Variants in ANK3 observed in about 807,000 individuals in gnomAD.
ANK3 encodes the protein ankyrin 3, also known as ankyrin-3.
In ANK3, 57 loss-of-function variants were observed where a neutral mutation model predicts 370.9. That is an observed-to-expected ratio of 0.15 (90% confidence interval 0.12 to 0.19). The LOEUF (loss-of-function observed/expected upper bound fraction) is 0.19. Ranked by LOEUF, ANK3 falls within the 10% of genes least tolerant of loss-of-function variation. The probability of loss-of-function intolerance (pLI) is 1.00; values close to 1 mark genes in which losing one functional copy is unlikely to be tolerated. For synonymous variants in ANK3, 1,929 were observed against 1,946.3 expected, an observed-to-expected ratio of 0.99 and a Z score of 0.23; for missense variants, 4,439 against 5,302.1, an observed-to-expected ratio of 0.84 and a Z score of 5.06.
chr10:60,080,868 C>T (rs1347540154), intron 35 of ANK3, among the ~76,000 whole-genome samples: 2 of 152,172 alleles, frequency 1.3e-5, no homozygotes, highest in Non-Finnish European at 2.9e-5. Flanking sequence ...ACAGAGACTT[C>T]TGATGCTGAG....
intron 1 of ANK3, chr10:60,300,175 A>G (rs920537905): frequency 2.1e-5 from 9 of 435,180 alleles, no homozygotes; most frequent in Non-Finnish European, 3.6e-5. Flanking sequence ...TCCTACACAT[A>G]TTTAACTCAA....
chr10:60,095,294 C>G (rs557919991), intron 28 of ANK3, among the ~76,000 whole-genome samples: 3 of 152,222 alleles, frequency 2.0e-5, no homozygotes, highest in African/African-American at 7.2e-5. Flanking sequence ...GACTCAGACA[C>G]TTTTCACATC....
At chr10:60,285,404 C>A (rs2098229462) in intron 1 of ANK3, among the ~76,000 whole-genome samples, 1 of 152,166 alleles carries the variant, frequency 6.6e-6, no homozygotes, top group South Asian at 2.1e-4. Context: ...TCTCACTAAT[C>A]AATACTGTCT....
intron 23 of ANK3, among the ~76,000 whole-genome samples, chr10:60,147,699 C>T (rs1272286866): frequency 6.6e-6 from 1 of 152,064 alleles, no homozygotes; most frequent in African/African-American, 2.4e-5. Flanking sequence ...AGGGGCACCT[C>T]CCCTTCCTCT....
At chr10:60,051,435 T>TA (rs2077970204) in intron 42 of ANK3, 3 of 907,340 alleles carry the variant, frequency 3.3e-6, no homozygotes, top group Admixed American at 1.2e-4. Flanking sequence ...GAGTTTCTAA[T>TA]AGTAGAGCAA....
At chr10:60,416,040 C>T (rs1594984270) in intron 2 of ANK3, among the ~76,000 whole-genome samples, 1 of 147,880 alleles carries the variant, frequency 6.8e-6, no homozygotes, top group Admixed American at 6.9e-5. Context: ...GGATTAGTGT[C>T]CCTATTAAAA....
rs1057523190 is a variant in ANK3 at position 60,205,794 on chromosome 10, C to T, written c.1291G>A (p.Glu431Lys). Residue 431 changes from glutamate to lysine, a missense_variant and splice_region_variant, in exon 11 of 44, where the codon GAG (glutamate) becomes AAG (lysine). This residue lies in a region of ANK3 where 227 missense variants were observed against 377.6 expected (regional missense o/e 0.60). Transcript: ENST00000280772. The part of the protein sequence containing the change: ...KHGASIQAVT[E>K]SGLTPIHVAA... ...CCAGAAATCTTAACTCTTCTCACCTCGGTTACAGCTTGGATGGATGCACCG... is the reference window on the plus strand; with the variant it reads ...CCAGAAATCTTAACTCTTCTCACCTTGGTTACAGCTTGGATGGATGCACCG... The T allele has an allele frequency of 3.1e-6, 5 of 1,610,902 alleles. No homozygotes were observed. The highest frequency in any genetic ancestry group is 4.2e-6 in the Non-Finnish European group (5 of 1,177,208).
intron 23 of ANK3, among the ~76,000 whole-genome samples, chr10:60,157,557 A>C (rs2095371406): frequency 6.6e-6 from 1 of 151,964 alleles, no homozygotes; most frequent in South Asian, 2.1e-4. Flanking sequence ...AGCTAGCTCA[A>C]TGCACTTTAA....
At chr10:60,532,463 G>A (rs1171222064) in intron 2 of ANK3, among the ~76,000 whole-genome samples, 1 of 151,246 alleles carries the variant, frequency 6.6e-6, no homozygotes, top group Non-Finnish European at 1.5e-5. Context: ...AACCTTTAGA[G>A]TCCCAGGATC....
chr10:60,221,466 C>T (rs760659558), intron 8 of ANK3, among the ~76,000 whole-genome samples: 2 of 152,074 alleles, frequency 1.3e-5, no homozygotes, highest in African/African-American at 4.8e-5. Flanking sequence ...TATAACGAAC[C>T]TCTGGGTACC....
intron 1 of ANK3, among the ~76,000 whole-genome samples, chr10:60,693,664 C>G (rs1023975043): frequency 2.6e-5 from 4 of 152,178 alleles, no homozygotes; most frequent in African/African-American, 9.7e-5. Context: ...CAGCCAGGTA[C>G]TCCAACAGAC....
intron 28 of ANK3, among the ~76,000 whole-genome samples, chr10:60,096,411 C>T (rs965879026): frequency 5.9e-5 from 9 of 152,110 alleles, no homozygotes; most frequent in African/African-American, 1.9e-4. Context: ...CAGAAAAAAG[C>T]TCGACAAAAT....
At chr10:60,535,902 G>A (rs539573443) in intron 2 of ANK3, among the ~76,000 whole-genome samples, 9 of 150,196 alleles carry the variant, frequency 6.0e-5, no homozygotes, top group East Asian at 5.9e-4. Context: ...TCTAAATATC[G>A]GCAAAGCAAC....
chr10:60,566,575 T>C (rs1017293446), intron 2 of ANK3, among the ~76,000 whole-genome samples: 2 of 152,126 alleles, frequency 1.3e-5, no homozygotes, highest in African/African-American at 4.8e-5. Context: ...TGTGGATAGA[T>C]CAAACCAGCC....
chr10:60,089,032 A>G (rs991955901), intron 28 of ANK3, among the ~76,000 whole-genome samples: 3 of 152,188 alleles, frequency 2.0e-5, no homozygotes, highest in African/African-American at 7.2e-5. Context: ...GCCTCATAAG[A>G]AAGTGAATAA....
intron 1 of ANK3, among the ~76,000 whole-genome samples, chr10:60,293,576 C>A (rs1182955856): frequency 6.6e-6 from 1 of 151,724 alleles, no homozygotes; most frequent in Non-Finnish European, 1.5e-5. Context: ...AATTTGGGTT[C>A]CCTGGCTTTA....
chr10:60,190,651 A>G (rs1240572425), intron 16 of ANK3, among the ~76,000 whole-genome samples: 1 of 152,198 alleles, frequency 6.6e-6, no homozygotes, highest in Non-Finnish European at 1.5e-5. Flanking sequence ...CCCAGTCAAC[A>G]GTCTTTGGAG....
At chr10:60,480,392 T>G (rs2133099669) in intron 2 of ANK3, among the ~76,000 whole-genome samples, 1 of 152,180 alleles carries the variant, frequency 6.6e-6, no homozygotes, top group African/African-American at 2.4e-5. Context: ...AATTCACACC[T>G]AATGAATGAG....
chr10:60,072,425 T>C lies in ANK3; in HGVS notation c.8456A>G (p.Lys2819Arg). The C allele has an allele frequency of 6.2e-7, 1 of 1,614,092 alleles. No individual in the cohort carries two copies. Among genetic ancestry groups the C allele is most frequent in the Non-Finnish European group, 8.5e-7 (1 of 1,180,022 alleles). ...VKKQRTEMSS[K>R]AMPDSFSEQQ... Reference sequence around the variant, plus strand: ...CTCAGAAAAAGAGTCAGGCATTGCTTTACTTGACATTTCAGTTCTCTGTTT... The same window carrying C: ...CTCAGAAAAAGAGTCAGGCATTGCTCTACTTGACATTTCAGTTCTCTGTTT... The change falls in exon 37 of 44, where the codon AAA becomes AGA. Residue 2819 changes from lysine to arginine, a missense_variant. By Grantham distance (26) the Lys-to-Arg change is conservative (BLOSUM62 2). Transcript: ENST00000280772.
Sources: gnomAD v4.1 joint callset for allele counts (sites outside exome capture counted in the v4.1 genomes callset) on GRCh38, gnomAD v4.1.1 for gene constraint, gnomAD v4.1.1 regional missense constraint, MANE v1.5 for transcripts, NCBI Gene and HGNC (gene_info 2026-07-23, HGNC 2026-07-21) for gene names.